Variants in MIPEP observed in about 807,000 individuals in gnomAD.
The protein encoded by MIPEP is mitochondrial intermediate peptidase.
Under a neutral mutation model 90.3 loss-of-function variants are expected in MIPEP, and 79 were observed. The ratio of observed to expected loss-of-function variants is 0.87; its 90% CI spans 0.73 to 1.05. The LOEUF is 1.05. Among genes scored for constraint, MIPEP ranks in the 50% least tolerant of loss-of-function variants. The probability of loss-of-function intolerance (pLI) is 0.00; values close to 1 mark genes in which losing one functional copy is unlikely to be tolerated. For synonymous variants in MIPEP, 334 were observed against 315.8 expected, an observed-to-expected ratio of 1.06 and a Z score of -0.61; for missense variants, 940 against 905.6, an observed-to-expected ratio of 1.04 and a Z score of -0.49.
At chr13:23,882,692 T>C (rs1235375261) in intron 2 of MIPEP, among the ~76,000 whole-genome samples, 1 of 152,130 alleles carries the variant, frequency 6.6e-6, no homozygotes, top group Non-Finnish European at 1.5e-5. Context: ...GACTATAACA[T>C]GAAATAAAAT....
intron 16 of MIPEP, among the ~76,000 whole-genome samples, chr13:23,768,652 C>G: frequency 6.6e-6 from 1 of 152,130 alleles, no homozygotes; most frequent in East Asian, 1.9e-4. Flanking sequence ...AGAAGGATCA[C>G]CTGAGCCTGG....
At chr13:23,753,987 G>C (rs1952466733) in intron 18 of MIPEP, among the ~76,000 whole-genome samples, 1 of 152,152 alleles carries the variant, frequency 6.6e-6, no homozygotes, top group South Asian at 2.1e-4. Context: ...TACATAGTTT[G>C]AAGGCAGGTG....
At position 23,858,909 on chromosome 13, in the gene MIPEP, C is replaced by G. The variant is rs1421344086; in HGVS notation, c.1057G>C (p.Val353Leu). The G allele has an allele frequency of 3.1e-6, 5 of 1,612,966 alleles. No homozygotes were observed. The highest frequency in any genetic ancestry group is 4.2e-6 in the Non-Finnish European group (5 of 1,179,306). Reference protein sequence around the residue: ...KMKLNPQNSEVMPWDPPYYSG... With the variant: ...KMKLNPQNSELMPWDPPYYSG... ...TAGTAAGGGGGGTCCCAGGGCATTA[C>G]TTCCTACAATGGAATAATTCACTGT... Residue 353 changes from valine to leucine, a missense_variant, in exon 10 of 19, where the codon GTA becomes CTA. Val to Leu is a conservative substitution (Grantham distance 32). Transcript: ENST00000382172.
At chr13:23,875,810 T>C (rs749688000) in intron 4 of MIPEP, among the ~76,000 whole-genome samples, 7 of 152,154 alleles carry the variant, frequency 4.6e-5, no homozygotes, top group Admixed American at 2.0e-4. Flanking sequence ...AAAATTCTTG[T>C]ATTTCCTTTC....
chr13:23,886,383 C>T lies in MIPEP; in HGVS notation c.313G>A (p.Val105Met), dbSNP rs771157026. The change falls in exon 2 of 19, where the codon GTG (valine) becomes ATG (methionine). Residue 105 changes from valine (V) to methionine (M), a missense_variant. Coordinates refer to ENST00000382172, the MANE Select transcript of MIPEP (RefSeq NM_005932.4). ...ACSTPPGPQT[V>M]LIFDELSDSL... is the part of the protein sequence containing the mutation. ...TCCGAGAGCTCATCGAAGATCAGCA[C>T]GGTCTGGGGCCCAGGTGGGGTGGAA... 1.0e-5 allele frequency: 16 copies of T among 1,606,194 alleles called. No individual in the cohort carries two copies. The Admixed American group carries it at 1.9e-4, about 19-fold the overall frequency.
intron 14 of MIPEP, among the ~76,000 whole-genome samples, chr13:23,826,997 T>C (rs980961825): frequency 2.0e-5 from 3 of 152,228 alleles, no homozygotes; most frequent in Non-Finnish European, 4.4e-5. Flanking sequence ...AGCGTTTACA[T>C]TGTGTTAGGT....
chr13:23,795,560 T>G (rs1469310447), intron 16 of MIPEP, among the ~76,000 whole-genome samples: 2 of 152,162 alleles, frequency 1.3e-5, no homozygotes, highest in Non-Finnish European at 2.9e-5. Context: ...GATAATTATT[T>G]TCTTATCTTC....
chr13:23,847,269 T>C (rs1484889641), intron 10 of MIPEP, among the ~76,000 whole-genome samples: 1 of 152,140 alleles, frequency 6.6e-6, no homozygotes, highest in Non-Finnish European at 1.5e-5. Flanking sequence ...CATCCCTGCA[T>C]TGACTCCTAC....
At chr13:23,771,319 C>T (rs4769286) in intron 16 of MIPEP, among the ~76,000 whole-genome samples, 106,149 of 151,870 alleles carry the variant, frequency 0.7, 39,688 homozygotes, top group Non-Finnish European at 0.83. Context: ...ACATCAGACA[C>T]CTCTTTGTAT....
At chr13:23,802,673 G>T (rs535445602) in intron 16 of MIPEP, among the ~76,000 whole-genome samples, 1 of 152,114 alleles carries the variant, frequency 6.6e-6, no homozygotes, top group Non-Finnish European at 1.5e-5. Flanking sequence ...ATTGTATCTA[G>T]AAGATCCCCA....
intron 14 of MIPEP, among the ~76,000 whole-genome samples, chr13:23,828,818 G>A (rs1868597284): frequency 6.6e-6 from 1 of 152,124 alleles, no homozygotes; most frequent in South Asian, 2.1e-4. Flanking sequence ...ATTCTAAAAT[G>A]TATATGAAAG....
chr13:23,806,242 T>C (rs1010369551), intron 15 of MIPEP, among the ~76,000 whole-genome samples, 173 bp from the exon 16 acceptor site: 2 of 152,154 alleles, frequency 1.3e-5, no homozygotes, highest in African/African-American at 4.8e-5. Flanking sequence ...TTTAAGACCA[T>C]GCTAAAGATT....
chr13:23,780,347 C>G (rs1463283653), intron 16 of MIPEP, among the ~76,000 whole-genome samples: 1 of 152,250 alleles, frequency 6.6e-6, no homozygotes, highest in African/African-American at 2.4e-5. Flanking sequence ...CAAACTGGGT[C>G]TGGAGTGGAC....
At chr13:23,787,824 T>C (rs1295495780) in intron 16 of MIPEP, among the ~76,000 whole-genome samples, 7 of 152,178 alleles carry the variant, frequency 4.6e-5, no homozygotes, top group Non-Finnish European at 1.5e-5. Context: ...AAATGGATGT[T>C]ATATCTAGAA....
intron 2 of MIPEP, among the ~76,000 whole-genome samples, chr13:23,883,777 T>C (rs1426986872): frequency 6.6e-6 from 1 of 152,214 alleles, no homozygotes; most frequent in East Asian, 1.9e-4. Flanking sequence ...ATTTTCCTTT[T>C]CTGATTTCTG....
chr13:23,881,651 G>A (rs527649656), intron 3 of MIPEP, 48 bp downstream of exon 3: 39 of 1,478,604 alleles, frequency 2.6e-5, no homozygotes, highest in Admixed American at 2.2e-4. Flanking sequence ...CCATGAAACC[G>A]GATCACCCAG....
intron 9 of MIPEP, among the ~76,000 whole-genome samples, chr13:23,859,847 C>G (rs990846680): frequency 6.6e-6 from 1 of 152,214 alleles, no homozygotes; most frequent in African/African-American, 2.4e-5. Context: ...GCATAATCTC[C>G]TCCAATAACA....
intron 14 of MIPEP, among the ~76,000 whole-genome samples, chr13:23,824,655 T>C (rs1290291865): frequency 2.6e-5 from 4 of 152,212 alleles, no homozygotes; most frequent in African/African-American, 4.8e-5. Context: ...AACAACTGGA[T>C]TGCATGTCTC....
intron 16 of MIPEP, among the ~76,000 whole-genome samples, chr13:23,769,127 C>T (rs12100365): frequency 0.21 from 31,825 of 152,060 alleles, 3,667 homozygotes; most frequent in Non-Finnish European, 0.26. Flanking sequence ...TAAATTGCCC[C>T]GTCATTCTAA....
Sources: allele counts gnomAD v4.1 joint callset (sites outside exome capture counted in the v4.1 genomes callset), GRCh38; gene constraint gnomAD v4.1.1; transcripts MANE v1.5; gene names NCBI Gene and HGNC (gene_info 2026-07-23, HGNC 2026-07-21).